ADH7: variants seen among roughly 807,000 people sequenced by gnomAD.
ADH7 encodes all-trans-retinol dehydrogenase [NAD(+)] ADH7.
A neutral mutation model predicts 34.4 loss-of-function variants in ADH7; 41 were observed. The ratio of observed to expected loss-of-function variants is 1.19; its 90% CI spans 0.93 to 1.55. The LOEUF is 1.55. Ranked by LOEUF, ADH7 falls within the 40% of genes most tolerant of loss-of-function variation. The pLI, the probability that ADH7 is intolerant of heterozygous loss-of-function variation, is 0.00. For missense variants in ADH7, 540 were observed against 461.2 expected (o/e 1.17, Z -1.56); for synonymous variants, 180 against 160.9 (o/e 1.12, Z -0.90).
intron 7 of ADH7, among the ~76,000 whole-genome samples, chr4:99,418,490 C>A (rs1261561271): frequency 6.6e-6 from 1 of 152,140 alleles, no homozygotes; most frequent in Admixed American, 6.6e-5. Flanking sequence ...GGCTCCATCT[C>A]TCCTAAAACA....
intron 5 of ADH7, among the ~76,000 whole-genome samples, chr4:99,423,530 C>G (rs1247379131): frequency 5.9e-5 from 9 of 151,794 alleles, no homozygotes; most frequent in Non-Finnish European, 1.3e-4. Flanking sequence ...CACATCCTCT[C>G]CAGCACTTGT....
intron 8 of ADH7, among the ~76,000 whole-genome samples, chr4:99,414,750 C>A (rs4147551): frequency 0.048 from 7,326 of 152,180 alleles, 228 homozygotes; most frequent in South Asian, 0.092. Flanking sequence ...AAAAATAATA[C>A]CTGGCTTACA....
At chr4:99,432,634 A>G (rs1261196927) in intron 1 of ADH7, 2 of 152,248 alleles carry the variant, frequency 1.3e-5, no homozygotes, top group South Asian at 4.1e-4. Context: ...TTTACAGAGG[A>G]AGTGTTAACA....
rs760864618 is a variant in ADH7 at position 99,429,537 on chromosome 4, T to A, written c.115A>T (p.Ile39Phe). ...TCTCTAGGGCTCACGCTTACCTTAA[T>A]GCGAACTTCTTTAGTCTTTGGTGGG... The part of the protein sequence containing the change: ...VAPPKTKEVR[I>F]KILATGICRT... The change falls in exon 2 of 9, where the codon ATT (isoleucine) becomes TTT (phenylalanine). Residue 39 changes from isoleucine (I) to phenylalanine (F), a missense_variant. Transcript: ENST00000437033. 6 of 1,610,382 alleles carry A rather than the reference T, an allele frequency of 3.7e-6. No individual in the cohort carries two copies. The South Asian group carries it at 6.6e-5, about 18-fold the overall frequency.
chr4:99,422,777 T>C (rs1292575206), intron 5 of ADH7, among the ~76,000 whole-genome samples: 1 of 151,496 alleles, frequency 6.6e-6, no homozygotes. Context: ...TAAAGGTTTT[T>C]CTTTTAATAA....
At chr4:99,430,810 T>A (rs1721921603) in intron 1 of ADH7, among the ~76,000 whole-genome samples, 1 of 151,566 alleles carries the variant, frequency 6.6e-6, no homozygotes, top group Non-Finnish European at 1.5e-5. Context: ...TTTTTATTAT[T>A]TTTTTTTAGA....
At chr4:99,429,511 T>C in intron 2 of ADH7, 21 bp downstream of exon 2, 1 of 1,581,756 alleles carries the variant, frequency 6.3e-7, no homozygotes, top group Non-Finnish European at 8.7e-7. Flanking sequence ...TTGGCTTAAG[T>C]TCTCTAGGGC....
intron 6 of ADH7, among the ~76,000 whole-genome samples, 168 bp downstream of exon 6, chr4:99,420,365 C>T (rs1296933029): frequency 6.6e-6 from 1 of 152,130 alleles, no homozygotes; most frequent in Non-Finnish European, 1.5e-5. Flanking sequence ...AAGTGTTTGA[C>T]TTTTTAGGCA....
At chr4:99,415,380 T>A in intron 8 of ADH7, 98 bp downstream of exon 8, 1 of 1,267,290 alleles carries the variant, frequency 7.9e-7, no homozygotes, top group Non-Finnish European at 1.1e-6. Context: ...GATTAAATAA[T>A]TAGAAATAAA....
chr4:99,435,309 A>C lies in ADH7; in HGVS notation c.-76T>G. On this transcript the variant is annotated 5_prime_UTR_variant, in exon 1 of 9. Coordinates refer to ENST00000437033, the MANE Select transcript of ADH7 (RefSeq NM_000673.7). ...TGATGCTCAGTTCACTCTGTTGTAT[A>C]TAACAGCAGCTTGTGCCTTCACATA... 1 of 1,597,802 alleles carries C rather than the reference A, an allele frequency of 6.3e-7. No individual in the cohort carries two copies. Among genetic ancestry groups the C allele is most frequent in the East Asian group, 2.2e-5 (1 of 44,488 alleles).
At chr4:99,421,636 C>T (rs1721665875) in intron 5 of ADH7, among the ~76,000 whole-genome samples, 1 of 152,104 alleles carries the variant, frequency 6.6e-6, no homozygotes, top group African/African-American at 2.4e-5. Context: ...GCAACAAAAG[C>T]CAAACTTGAC....
At chr4:99,425,550 A>G (rs1721779925) in intron 5 of ADH7, among the ~76,000 whole-genome samples, 1 of 152,204 alleles carries the variant, frequency 6.6e-6, no homozygotes, top group South Asian at 2.1e-4. Flanking sequence ...GAGCACCCAG[A>G]TTCATAAAGC....
intron 5 of ADH7, 114 bp from the exon 6 acceptor site, chr4:99,420,907 AC>A: frequency 5.3e-6 from 5 of 935,376 alleles, no homozygotes; most frequent in Non-Finnish European, 6.3e-6. Flanking sequence ...CACAATTGCT[AC>A]AAAGAGAATA....
At position 99,420,386 on chromosome 4, in the gene ADH7, G is replaced by A. The variant is rs904043186; in HGVS notation, c.825+147C>T. On this transcript the variant is annotated intron_variant, in intron 6 of 8. Coordinates refer to ENST00000437033, the MANE Select transcript of ADH7 (RefSeq NM_000673.7). The stretch of plus-strand genomic sequence containing the variant: ...TTGACTTTTTAGGCAAAATTGCTAT[G>A]TGATTATCAGTTTTTGCCTGAGTAA... 8 of 945,964 alleles carry A rather than the reference G, an allele frequency of 8.5e-6. No individual in the cohort carries two copies. The African/African-American group carries it at 1.2e-4, about 14-fold the overall frequency. 58.6% of individuals were successfully genotyped at this position (945,964 alleles called of 1,614,324 possible).
In ADH7 at chr4:99,428,531, C is replaced by T; in HGVS notation, c.220G>A (p.Val74Ile). 1 of 1,613,888 alleles carries T rather than the reference C, an allele frequency of 6.2e-7. No individual in the cohort carries two copies. Among genetic ancestry groups the T allele is most frequent in the Non-Finnish European group, 8.5e-7 (1 of 1,179,880 alleles). ...GTCACTCCTTCTCCAATGCTCTCTA[C>T]AATCCCAGTTGCCTCATGTCCCACA... ...VIVGHEATGI[V>I]ESIGEGVTTV... Residue 74 changes from valine (V) to isoleucine (I), a missense_variant, in exon 3 of 9, where the codon GTA becomes ATA. By Grantham distance (29) the Val-to-Ile change is conservative (BLOSUM62 3). Transcript: ENST00000437033.
chr4:99,420,517 A>G lies in ADH7; in HGVS notation c.825+16T>C. 6.2e-7 allele frequency: 1 copy of G among 1,607,196 alleles called. No individual in the cohort carries two copies. The highest frequency in any genetic ancestry group is 8.5e-7 in the Non-Finnish European group (1 of 1,175,042). On this transcript the variant is annotated intron_variant, in intron 6 of 8. Transcript: ENST00000437033. ...TAACTTGGGTATTTTGTGGCTTCTC[A>G]AATTTTGGGTCTTACCATGGTTTCA... is the stretch of plus-strand genomic sequence containing the variant.
chr4:99,427,509 G>T (rs1186906275), intron 5 of ADH7, among the ~76,000 whole-genome samples: 1 of 152,052 alleles, frequency 6.6e-6, no homozygotes, highest in East Asian at 1.9e-4. Flanking sequence ...ATATGGGGAA[G>T]GGGTATATTT....
At position 99,412,542 on chromosome 4, in the gene ADH7, A is replaced by T. The variant is rs1019654590; in HGVS notation, c.*606T>A. 2 of 152,220 alleles carry T rather than the reference A, an allele frequency of 1.3e-5. No individual in the cohort carries two copies. Among genetic ancestry groups the T allele is most frequent in the Non-Finnish European group, 1.5e-5 (1 of 67,978 alleles). 9.4% of individuals were successfully genotyped at this position (152,220 alleles called of 1,614,324 possible). A position where few individuals can be genotyped will look rare whatever the true frequency, so the allele number is the denominator to read the frequency against. On this transcript the variant is annotated 3_prime_UTR_variant, in exon 9 of 9. Transcript: ENST00000437033. Reference sequence around the variant, plus strand: ...CTGGCAAATAGCCTTGTGTACCCATATGATATACTTTTTCAGTTTCACCAA... The same window carrying T: ...CTGGCAAATAGCCTTGTGTACCCATTTGATATACTTTTTCAGTTTCACCAA...
chr4:99,415,555 G>C lies in ADH7; in HGVS notation c.1023C>G (p.Asp341Glu). The part of the protein sequence containing the change: ...LVTEFLAKKF[D>E]LDQLITHVLP... ...AAACATGAGTTATCAACTGGTCCAG[G>C]TCAAATTTCTTTGCCAGGAACTCAG... is the stretch of plus-strand genomic sequence containing the variant. Residue 341 changes from aspartate (D) to glutamate (E), a missense_variant, in exon 8 of 9, where the codon GAC (aspartate) becomes GAG (glutamate). By Grantham distance (45) the Asp-to-Glu change is conservative. Transcript: ENST00000437033. 1 of 1,613,482 alleles carries C rather than the reference G, an allele frequency of 6.2e-7. No individual in the cohort carries two copies. The highest frequency in any genetic ancestry group is 8.5e-7 in the Non-Finnish European group (1 of 1,179,654).
Sources: allele counts gnomAD v4.1 joint callset (sites outside exome capture counted in the v4.1 genomes callset), GRCh38; gene constraint gnomAD v4.1.1; transcripts MANE v1.5; gene names NCBI Gene and HGNC (gene_info 2026-07-23, HGNC 2026-07-21).